Variants in PNPLA1 observed in about 807,000 individuals in gnomAD.
PNPLA1 encodes the protein omega-hydroxyceramide transacylase.
Under a neutral mutation model 51.7 loss-of-function variants are expected in PNPLA1, and 36 were observed. That is an observed-to-expected ratio of 0.70 (90% confidence interval 0.53 to 0.92). PNPLA1 has a LOEUF of 0.92. Among genes scored for constraint, PNPLA1 ranks in the 40% least tolerant of loss-of-function variants. The pLI is 0.00. For synonymous variants in PNPLA1, 293 were observed against 280.1 expected, an observed-to-expected ratio of 1.05 and a Z score of -0.46; for missense variants, 658 against 682.5, an observed-to-expected ratio of 0.96 and a Z score of 0.40.
chr6:36,249,043 A>G (rs1450514347), intron 1 of PNPLA1, among the ~76,000 whole-genome samples: 1 of 152,140 alleles, frequency 6.6e-6, no homozygotes, highest in Non-Finnish European at 1.5e-5. Context: ...GTTTCTGTCC[A>G]TTAGTGCTGC....
At chr6:36,284,598 TC>T in intron 1 of PNPLA1, among the ~76,000 whole-genome samples, 1 of 150,920 alleles carries the variant, frequency 6.6e-6, no homozygotes, top group Non-Finnish European at 1.5e-5. Context: ...CATCCATCCA[TC>T]CATCCGGCTG....
chr6:36,301,725 C>G, intron 5 of PNPLA1, 136 bp from the exon 6 acceptor site: 1 of 1,236,454 alleles, frequency 8.1e-7, no homozygotes, highest in Non-Finnish European at 1.1e-6. Context: ...TTTTCACTCA[C>G]TGTAAATTCA....
chr6:36,246,231 G>A (rs991120021), intron 1 of PNPLA1, among the ~76,000 whole-genome samples: 7 of 151,790 alleles, frequency 4.6e-5, no homozygotes, highest in African/African-American at 1.7e-4. Context: ...TTTTGACGAG[G>A]TCTTACTCTG....
intron 1 of PNPLA1, among the ~76,000 whole-genome samples, chr6:36,276,753 C>T (rs1177240351): frequency 7.2e-6 from 1 of 139,386 alleles, no homozygotes; most frequent in Non-Finnish European, 1.5e-5. Context: ...TTCGTTCGTT[C>T]GTTCCTTCCT....
chr6:36,299,732 TAATG>T (rs1770973265), intron 5 of PNPLA1, among the ~76,000 whole-genome samples: 1 of 152,228 alleles, frequency 6.6e-6, no homozygotes, highest in African/African-American at 2.4e-5. Flanking sequence ...AGTATTCCTC[TAATG>T]ACTAATGACT....
chr6:36,282,044 G>GAAAGAAA (rs1770301828), intron 1 of PNPLA1, among the ~76,000 whole-genome samples: 16 of 34,564 alleles, frequency 4.6e-4, no homozygotes, highest in African/African-American at 2.6e-3. Flanking sequence ...AAAGAAAGAA[G>GAAAGAAA]GAAAGAAAGA....
Position 36,302,400 on chromosome 6 carries a change from C to T in PNPLA1, c.1315C>T (p.Pro439Ser). 6.3e-7 allele frequency: 1 copy of T among 1,584,478 alleles called. No individual in the cohort carries two copies. The highest frequency in any genetic ancestry group is 8.6e-7 in the Non-Finnish European group (1 of 1,163,962). Reference protein sequence around the residue: ...PSTVGAPQTLPRSSLSAFPAQ... With the variant: ...PSTVGAPQTLSRSSLSAFPAQ... ...AACTGTGGGGGCACCTCAAACACTGCCCCGAAGTTCTCTTTCAGCCTTCCC... is the reference window on the plus strand; with the variant it reads ...AACTGTGGGGGCACCTCAAACACTGTCCCGAAGTTCTCTTTCAGCCTTCCC... Residue 439 changes from proline to serine, a missense_variant, in exon 6 of 9, where the codon CCC (proline) becomes TCC (serine). Transcript: ENST00000636260.
intron 5 of PNPLA1, among the ~76,000 whole-genome samples, chr6:36,297,210 G>A (rs1770884390): frequency 6.6e-6 from 1 of 152,156 alleles, no homozygotes; most frequent in South Asian, 2.1e-4. Flanking sequence ...AGGAGAAATG[G>A]TCTCGTGCTG....
At position 36,256,994 on chromosome 6, in the gene PNPLA1, G is replaced by A. The variant is rs201492808; in HGVS notation, c.-81+13733G>A. ...TTTAGGGGAGATTAACGGTTCTGAA[G>A]AACAGACAATAGCCTGGGACAAATT... On this transcript the variant is annotated intron_variant, in intron 1 of 7. Coordinates refer to the PNPLA1 transcript ENST00000312917. Among the ~76,000 whole-genome samples the A allele has an allele frequency of 2.0e-5, 3 of 152,184 alleles. No homozygotes were observed. In the East Asian group the frequency reaches 5.8e-4, roughly 29 times the overall value.
chr6:36,295,788 C>A (rs554256422), intron 5 of PNPLA1, among the ~76,000 whole-genome samples: 9 of 152,290 alleles, frequency 5.9e-5, no homozygotes, highest in Non-Finnish European at 1.2e-4. Flanking sequence ...TATTCTCTTT[C>A]TAGTAAAATC....
intron 5 of PNPLA1, among the ~76,000 whole-genome samples, chr6:36,300,178 T>TGTGTGTGTGTGTGTGAGAGAGAGAGA: frequency 6.1e-5 from 6 of 98,082 alleles, no homozygotes; most frequent in African/African-American, 2.0e-4. Flanking sequence ...TGTGTGTGTG[T>TGTGTGTGTGTGTGTGAGAGAGAGAGA]GAGAGAGAGA....
intron 6 of PNPLA1, among the ~76,000 whole-genome samples, chr6:36,303,684 C>T (rs1018570432): frequency 6.6e-6 from 1 of 152,094 alleles, no homozygotes; most frequent in African/African-American, 2.4e-5. Flanking sequence ...ACAAAAAAAT[C>T]AGCCAAACTT....
At chr6:36,284,723 G>A (rs776173584) in intron 1 of PNPLA1, among the ~76,000 whole-genome samples, 30 of 152,186 alleles carry the variant, frequency 2.0e-4, no homozygotes, top group Non-Finnish European at 4.0e-4. Context: ...GAGTCTCAGG[G>A]CAGTGTTTTG....
At chr6:36,277,481 C>T (rs990459282) in intron 1 of PNPLA1, among the ~76,000 whole-genome samples, 1 of 152,194 alleles carries the variant, frequency 6.6e-6, no homozygotes, top group Non-Finnish European at 1.5e-5. Context: ...TGGGGACAAC[C>T]AGTAGTCTCT....
At position 36,302,250 on chromosome 6, in the gene PNPLA1, C is replaced by T. The variant is rs747398206; in HGVS notation, c.1165C>T (p.Leu389=). The T allele has an allele frequency of 1.9e-6, 3 of 1,614,218 alleles. No homozygotes were observed. The highest frequency in any genetic ancestry group is 1.3e-5 in the African/African-American group (1 of 75,062). Residue 389 remains leucine, a synonymous_variant, in exon 6 of 9, where the codon CTG becomes TTG. Coordinates refer to ENST00000636260, the MANE Select transcript of PNPLA1 (RefSeq NM_001374623.1). ...KPPSSTPGSS[L]PTPPPGLSPL... ...ACCCAGCTCCACACCTGGTTCATCACTGCCCACCCCACCACCTGGACTGTC... is the reference window on the plus strand; with the variant it reads ...ACCCAGCTCCACACCTGGTTCATCATTGCCCACCCCACCACCTGGACTGTC...
chr6:36,301,837 AC>A, intron 5 of PNPLA1, 23 bp from the exon 6 acceptor site: 1 of 1,600,726 alleles, frequency 6.2e-7, no homozygotes, highest in Non-Finnish European at 8.5e-7. Context: ...GCTGAGTAAC[AC>A]CCCATGCTAT....
intron 1 of PNPLA1, among the ~76,000 whole-genome samples, chr6:36,281,214 G>A (rs1164538333): frequency 1.3e-5 from 2 of 152,218 alleles, no homozygotes; most frequent in Non-Finnish European, 2.9e-5. Flanking sequence ...TGTTGCAGGT[G>A]TGTGGGTGAG....
At chr6:36,307,020 G>A (rs944980574) in intron 7 of PNPLA1, among the ~76,000 whole-genome samples, 3 of 152,250 alleles carry the variant, frequency 2.0e-5, no homozygotes, top group East Asian at 3.9e-4. Flanking sequence ...TGTACTGGTG[G>A]TGGGGGAGGC....
chr6:36,252,494 G>C (rs1376804550), intron 1 of PNPLA1, among the ~76,000 whole-genome samples: 2 of 150,778 alleles, frequency 1.3e-5, no homozygotes, highest in African/African-American at 4.9e-5. Context: ...GACTTGGTGA[G>C]CGACTGGGTT....
Sources: allele counts gnomAD v4.1 joint callset (sites outside exome capture counted in the v4.1 genomes callset), GRCh38; gene constraint gnomAD v4.1.1; transcripts MANE v1.5; gene names NCBI Gene and HGNC (gene_info 2026-07-23, HGNC 2026-07-21).